The following GPATCH1 variants were observed in gnomAD, a reference collection of about 807,000 sequenced individuals.
GPATCH1 encodes the protein G-patch domain containing 1.
A neutral mutation model predicts 114.9 loss-of-function variants in GPATCH1; 73 were observed. That is an observed-to-expected ratio of 0.64 (90% confidence interval 0.53 to 0.77). The LOEUF (loss-of-function observed/expected upper bound fraction) is 0.77. Among genes scored for constraint, GPATCH1 ranks in the 30% least tolerant of loss-of-function variants. The pLI is 0.00. For missense variants in GPATCH1, 1,058 were observed against 1,144.3 expected, an observed-to-expected ratio of 0.92 and a Z score of 1.09; for synonymous variants, 391 against 428.4, an observed-to-expected ratio of 0.91 and a Z score of 1.08.
chr19:33,126,684 CAG>C lies in GPATCH1; in HGVS notation c.2719_2720del (p.Ser907Ter). On this transcript the variant is annotated frameshift_variant, in exon 19 of 20. Transcript: ENST00000170564. LOFTEE classifies it high-confidence loss of function. ...CGAGAGTTCCGACAGCAGCGACAGCCAGAGTGACGAGGAAACCGCAGACGTGT... is the reference window on the plus strand; with the variant it reads ...CGAGAGTTCCGACAGCAGCGACAGCCAGTGACGAGGAAACCGCAGACGTGT... ...SSESSDSSDS[Q>X]SDEETADVSP... is the part of the protein sequence containing the mutation. 6.2e-7 allele frequency: 1 copy of C among 1,613,962 alleles called. No individual in the cohort carries two copies. The highest frequency in any genetic ancestry group is 8.5e-7 in the Non-Finnish European group (1 of 1,180,008).
rs1376349960 is a variant in GPATCH1, at chr19:33,113,917, C to G, written c.2029+14C>G. 6.2e-7 allele frequency: 1 copy of G among 1,612,062 alleles called. No individual in the cohort carries two copies. Among genetic ancestry groups the G allele is most frequent in the Admixed American group, 1.7e-5 (1 of 59,746 alleles). On this transcript the variant is annotated intron_variant, in intron 14 of 19. Transcript: ENST00000170564. Reference sequence around the variant, plus strand: ...GAGGTCCCGACAGTGAGTAGGGCGTCCCCGGGGTCTCTGATTGACCAGGGC... The same window carrying G: ...GAGGTCCCGACAGTGAGTAGGGCGTGCCCGGGGTCTCTGATTGACCAGGGC...
intron 1 of GPATCH1, among the ~76,000 whole-genome samples, chr19:33,087,597 T>A (rs1212139993): frequency 6.6e-6 from 1 of 152,086 alleles, no homozygotes; most frequent in Non-Finnish European, 1.5e-5. Flanking sequence ...GTATCTCTCC[T>A]TGCCAAGTGC....
rs553309878 is a variant in GPATCH1, at chr19:33,111,529, T to G, written c.1586-195T>G. Among the ~76,000 whole-genome samples, 84 of 151,354 alleles carry G rather than the reference T, an allele frequency of 5.5e-4. 1 individual carries two copies. In the East Asian group the frequency reaches 0.014, roughly 25 times the overall value. On this transcript the variant is annotated intron_variant, in intron 11 of 19. Transcript: ENST00000170564. The stretch of plus-strand genomic sequence containing the variant: ...CATGAACAACTGCGCCTGGCCTAAA[T>G]TTTTTTTAAAAAAGCACAATTTTGA...
chr19:33,104,140 G>C (rs1170518331), intron 9 of GPATCH1, among the ~76,000 whole-genome samples: 2 of 151,512 alleles, frequency 1.3e-5, no homozygotes, highest in African/African-American at 4.9e-5. Flanking sequence ...GACCAGCCTG[G>C]GCAACATGGT....
rs1275586384 is a variant in GPATCH1 at position 33,096,438 on chromosome 19, T to G, written c.844T>G (p.Ser282Ala). The G allele has an allele frequency of 6.2e-7, 1 of 1,608,898 alleles. No homozygotes were observed. Among genetic ancestry groups the G allele is most frequent in the Admixed American group, 1.7e-5 (1 of 58,988 alleles). Residue 282 changes from serine to alanine, a missense_variant, in exon 7 of 20, where the codon TCA (serine) becomes GCA (alanine). Transcript: ENST00000170564. The stretch of plus-strand genomic sequence containing the variant: ...GAATAAAGGAAGAAAATTGGGAATT[T>G]CAGGCCAGGTAAAATTATTTTCTAT... The part of the protein sequence containing the change: ...GLNKGRKLGI[S>A]GQAFGVGALE...
intron 18 of GPATCH1, 21 bp from the exon 19 acceptor site, chr19:33,126,567 A>G: frequency 1.2e-6 from 2 of 1,611,238 alleles, no homozygotes; most frequent in South Asian, 2.2e-5. Flanking sequence ...GTTTTCCCCC[A>G]CCACTATTTG....
At chr19:33,085,505 C>T (rs900894131) in intron 1 of GPATCH1, among the ~76,000 whole-genome samples, 1 of 152,080 alleles carries the variant, frequency 6.6e-6, no homozygotes, top group Non-Finnish European at 1.5e-5. Flanking sequence ...AGCCACTGCA[C>T]CTGACTCCCC....
intron 11 of GPATCH1, among the ~76,000 whole-genome samples, chr19:33,110,699 A>G (rs1234020503): frequency 6.6e-6 from 1 of 151,504 alleles, no homozygotes; most frequent in East Asian, 1.9e-4. Flanking sequence ...GCCAAAACAT[A>G]GGGATGTGGT....
intron 13 of GPATCH1, chr19:33,113,503 CT>C (rs1972880763): frequency 2.8e-6 from 1 of 363,444 alleles, no homozygotes; most frequent in Non-Finnish European, 5.0e-6. Context: ...CTGTCAGAAA[CT>C]TTAGGTATAT....
intron 13 of GPATCH1, chr19:33,113,446 GAA>G (rs369277976): frequency 4.8e-6 from 1 of 206,812 alleles, no homozygotes; most frequent in Non-Finnish European, 9.6e-6. Context: ...AATCTCAAGA[GAA>G]AAAAAAACAA....
intron 2 of GPATCH1, among the ~76,000 whole-genome samples, chr19:33,090,404 C>A (rs561657382): frequency 4.6e-5 from 7 of 152,284 alleles, no homozygotes; most frequent in African/African-American, 1.7e-4. Context: ...GCGATGACAT[C>A]ATTTCTTTAG....
rs535639094 is a variant in GPATCH1, at chr19:33,087,595, C to T, written c.74-539C>T. ...AGAAGAGGTATGGAAGTGTATCTCTCCTTGCCAAGTGCCACCCCAGCTTCT... is the reference window on the plus strand; with the variant it reads ...AGAAGAGGTATGGAAGTGTATCTCTTCTTGCCAAGTGCCACCCCAGCTTCT... On this transcript the variant is annotated intron_variant, in intron 1 of 19. Transcript: ENST00000170564. Among the ~76,000 whole-genome samples, 26 of 152,178 alleles carry T rather than the reference C, an allele frequency of 1.7e-4. 1 individual carries two copies. Among genetic ancestry groups the T allele is most frequent in the Admixed American group, 1.6e-3 (25 of 15,236 alleles).
chr19:33,099,869 C>G (rs1972705811), intron 8 of GPATCH1, among the ~76,000 whole-genome samples: 1 of 150,696 alleles, frequency 6.6e-6, no homozygotes, highest in South Asian at 2.1e-4. Flanking sequence ...CTCCCGGGTT[C>G]AAGCAATTCT....
chr19:33,090,998 A>G, intron 3 of GPATCH1, 133 bp downstream of exon 3: 1 of 644,884 alleles, frequency 1.6e-6, no homozygotes, highest in Non-Finnish European at 2.8e-6. Flanking sequence ...TCTTTTAGGT[A>G]TTTGATGTGC....
At chr19:33,102,792 T>C (rs566472204) in intron 9 of GPATCH1, among the ~76,000 whole-genome samples, 1 of 152,190 alleles carries the variant, frequency 6.6e-6, no homozygotes, top group African/African-American at 2.4e-5. Context: ...CTAGGGGAAA[T>C]GTAGGTTAAG....
rs915562302 is a variant in GPATCH1, at chr19:33,126,815, T to C, written c.2765+82T>C. 1.7e-5 allele frequency: 21 copies of C among 1,230,282 alleles called. No homozygotes were observed. In the East Asian group the frequency reaches 4.7e-4, roughly 27 times the overall value. 76.2% of individuals were successfully genotyped at this position (1,230,282 alleles called of 1,614,324 possible). A position where few individuals can be genotyped will look rare whatever the true frequency, so the allele number is the denominator to read the frequency against. ...TGATGTGTTTGCTTAGAGGCAAATATCAGAAATGAAAAACTGGTAGGCCGG... is the reference window on the plus strand; with the variant it reads ...TGATGTGTTTGCTTAGAGGCAAATACCAGAAATGAAAAACTGGTAGGCCGG... On this transcript the variant is annotated intron_variant, in intron 19 of 19. Transcript: ENST00000170564.
Position 33,130,257 on chromosome 19 carries a change from G to T in GPATCH1, c.*97G>T. On this transcript the variant is annotated 3_prime_UTR_variant, in exon 20 of 20. Coordinates refer to ENST00000170564, the MANE Select transcript of GPATCH1 (RefSeq NM_018025.3). Reference sequence around the variant, plus strand: ...CGCATTGTACAGAGTGTATTTATATGTAAATTCCTGCTGTAAAATAATTTT... The same window carrying T: ...CGCATTGTACAGAGTGTATTTATATTTAAATTCCTGCTGTAAAATAATTTT... 2.8e-6 allele frequency: 2 copies of T among 726,166 alleles called. No homozygotes were observed. Among genetic ancestry groups the T allele is most frequent in the South Asian group, 2.1e-5 (1 of 48,374 alleles). The allele number at this position is 726,166 out of a possible 1,614,324, so 45.0% of individuals were successfully genotyped here. A position where few individuals can be genotyped will look rare whatever the true frequency, so the allele number is the denominator to read the frequency against.
At chr19:33,118,738 G>C (rs1057061646) in intron 16 of GPATCH1, among the ~76,000 whole-genome samples, 1 of 152,096 alleles carries the variant, frequency 6.6e-6, no homozygotes, top group African/African-American at 2.4e-5. Flanking sequence ...TCTTAGGGGC[G>C]CTAGGCTACG....
At chr19:33,084,752 C>G (rs948177151) in intron 1 of GPATCH1, among the ~76,000 whole-genome samples, 6 of 152,112 alleles carry the variant, frequency 3.9e-5, no homozygotes, top group African/African-American at 1.4e-4. Context: ...CCACCGCCTC[C>G]CAGGTTCAAG....
Sources: allele counts gnomAD v4.1 joint callset (sites outside exome capture counted in the v4.1 genomes callset), GRCh38; gene constraint gnomAD v4.1.1; transcripts MANE v1.5; gene names NCBI Gene and HGNC (gene_info 2026-07-23, HGNC 2026-07-21).